The following TANC1 variants were observed in gnomAD, a reference collection of about 807,000 sequenced individuals.
TANC1 encodes protein TANC1.
In TANC1, 77 loss-of-function variants were observed where a neutral mutation model predicts 149.7. The ratio of observed to expected loss-of-function variants is 0.51; its 90% CI spans 0.43 to 0.62. The LOEUF (loss-of-function observed/expected upper bound fraction) is 0.62, where lower values mean the gene tolerates loss of function less well. TANC1 is among the 20% of genes least tolerant of loss of function. TANC1 has a pLI of 0.00. For missense variants in TANC1, 1,985 were observed against 2,321.8 expected, an observed-to-expected ratio of 0.85 and a Z score of 2.98; for synonymous variants, 854 against 925.0, an observed-to-expected ratio of 0.92 and a Z score of 1.39.
rs141969105 is a variant in TANC1 at position 159,194,497 on chromosome 2, A to G, written c.2979+4A>G. 1 of 1,610,546 alleles carries G rather than the reference A, an allele frequency of 6.2e-7. No homozygotes were observed. Among genetic ancestry groups the G allele is most frequent in the East Asian group, 2.2e-5 (1 of 44,858 alleles). ...GCTGACCAAGAAGGGAGTGAGAGTAAGCGGCAGCCTGCTCTTTTGGGGCTG... is the reference window on the plus strand; with the variant it reads ...GCTGACCAAGAAGGGAGTGAGAGTAGGCGGCAGCCTGCTCTTTTGGGGCTG... On this transcript the variant is annotated splice_donor_region_variant and intron_variant, in intron 17 of 26. Transcript: ENST00000263635.
chr2:158,981,535 AT>A (rs2034377654), intron 1 of TANC1, among the ~76,000 whole-genome samples: 2 of 111,254 alleles, frequency 1.8e-5, no homozygotes, highest in South Asian at 5.7e-4. Flanking sequence ...ATATATATAT[AT>A]ATATATAAAG....
intron 23 of TANC1, 164 bp from the exon 24 acceptor site, chr2:159,225,520 AAAGG>A (rs1487053215): frequency 3.2e-6 from 2 of 622,648 alleles, no homozygotes; most frequent in East Asian, 5.5e-5. Context: ...GGTCAGTGGG[AAAGG>A]ATTAGCAACA....
At chr2:159,169,395 C>T (rs755392168) in intron 9 of TANC1, 23 bp downstream of exon 9, 53 of 1,610,756 alleles carry the variant, frequency 3.3e-5, no homozygotes, top group South Asian at 5.5e-5. Context: ...GCATCAGCTG[C>T]GATAATGGTT....
At chr2:159,180,974 G>A (rs1391346023) in intron 14 of TANC1, among the ~76,000 whole-genome samples, 1 of 152,114 alleles carries the variant, frequency 6.6e-6, no homozygotes, top group African/African-American at 2.4e-5. Context: ...ACATGGTGAT[G>A]GTGGGTTGGG....
rs1415478495 is a variant in TANC1 at position 159,016,795 on chromosome 2, C to G, written c.-16+15606C>G. ...TTCACTGTGTTAGCCAGGATGGTCT[C>G]GATCTCCTGACCTTGTGATCTGCCC... is the stretch of plus-strand genomic sequence containing the variant. On this transcript the variant is annotated intron_variant, in intron 2 of 26. Transcript: ENST00000263635. Among the ~76,000 whole-genome samples the G allele has an allele frequency of 2.0e-5, 3 of 152,128 alleles. 1 individual carries two copies. The Middle Eastern group carries it at 0.01, about 517-fold the overall frequency.
At chr2:159,018,608 C>G (rs1167819573) in intron 2 of TANC1, among the ~76,000 whole-genome samples, 1 of 152,174 alleles carries the variant, frequency 6.6e-6, no homozygotes, top group East Asian at 1.9e-4. Context: ...TTTTTTATCA[C>G]CCCAAAGAGA....
intron 8 of TANC1, among the ~76,000 whole-genome samples, chr2:159,165,229 G>A (rs938214204): frequency 3.3e-5 from 5 of 152,220 alleles, no homozygotes; most frequent in African/African-American, 1.2e-4. Flanking sequence ...AAGTGACAGT[G>A]GGTGTGAGCT....
rs1559491915 is a variant in TANC1, at chr2:159,224,668, C to T, written c.3811+304C>T. 3 of 313,448 alleles carry T rather than the reference C, an allele frequency of 9.6e-6. No individual in the cohort carries two copies. The East Asian group carries it at 1.7e-4, about 18-fold the overall frequency. The allele number at this position is 313,448 out of a possible 1,614,324, so 19.4% of individuals were successfully genotyped here. A position where few individuals can be genotyped will look rare whatever the true frequency, so the allele number is the denominator to read the frequency against. On this transcript the variant is annotated intron_variant, in intron 23 of 26. Transcript: ENST00000263635. ...TGCTGTGGGGTGGGGCCGGGTAGTG[C>T]TGCTGAAAGCTCCCCCAGGTGACTC...
intron 3 of TANC1, among the ~76,000 whole-genome samples, chr2:159,092,363 T>C (rs1574604081): frequency 6.6e-6 from 1 of 152,360 alleles, no homozygotes; most frequent in Middle Eastern, 3.4e-3. Flanking sequence ...CTATGTACTT[T>C]AATCTGTGAT....
intron 1 of TANC1, among the ~76,000 whole-genome samples, chr2:158,979,325 C>A (rs905446175): frequency 4.6e-5 from 7 of 151,904 alleles, no homozygotes; most frequent in East Asian, 1.9e-4. Flanking sequence ...TCTGTCTCTA[C>A]AAAATTTTTT....
At chr2:159,062,382 CT>C (rs1242199268) in intron 2 of TANC1, among the ~76,000 whole-genome samples, 3 of 152,194 alleles carry the variant, frequency 2.0e-5, no homozygotes, top group South Asian at 2.1e-4. Flanking sequence ...ATTTAATCTG[CT>C]GAGTCTGAAT....
At chr2:159,083,569 T>G (rs1402895354) in intron 3 of TANC1, among the ~76,000 whole-genome samples, 3 of 152,232 alleles carry the variant, frequency 2.0e-5, no homozygotes, top group African/African-American at 4.8e-5. Context: ...GTTGATTTCC[T>G]TGTCAACATT....
intron 7 of TANC1, among the ~76,000 whole-genome samples, chr2:159,156,026 A>T (rs1419206300): frequency 1.3e-5 from 2 of 152,114 alleles, no homozygotes. Context: ...GCCCCAAGGG[A>T]GATAATCAGA....
At chr2:159,042,908 A>G (rs543041431) in intron 2 of TANC1, among the ~76,000 whole-genome samples, 3 of 152,278 alleles carry the variant, frequency 2.0e-5, no homozygotes, top group East Asian at 1.9e-4. Flanking sequence ...GGTTCTTGGC[A>G]TGTTATCTTA....
intron 3 of TANC1, among the ~76,000 whole-genome samples, chr2:159,068,377 A>T (rs978051105): frequency 3.3e-5 from 5 of 152,258 alleles, no homozygotes; most frequent in African/African-American, 9.6e-5. Flanking sequence ...TTGCAAAGAC[A>T]TAAGAAAATT....
chr2:159,027,991 C>G (rs1371000774), intron 2 of TANC1, among the ~76,000 whole-genome samples: 1 of 152,074 alleles, frequency 6.6e-6, no homozygotes, highest in Non-Finnish European at 1.5e-5. Flanking sequence ...TCATGGGAGC[C>G]CCATCCCGAT....
Position 159,185,847 on chromosome 2 carries a change from G to T in TANC1, c.2567G>T (p.Arg856Leu), listed in dbSNP as rs778179572. The change falls in exon 15 of 27, where the codon CGC becomes CTC. Residue 856 changes from arginine (R) to leucine (L), a missense_variant. Around this residue, in one of 3 missense-constraint regions of TANC1, gnomAD observed 508 missense variants for 714.2 expected, o/e 0.71. Transcript: ENST00000263635. ...TCGCGTCAGGAGGGCAAGTTGAACC[G>T]CCAGCAGACCATGGAGCTTGGCCAC... ...MFSRQEGKLN[R>L]QQTMELGHHI... 2 of 1,614,132 alleles carry T rather than the reference G, an allele frequency of 1.2e-6. No individual in the cohort carries two copies. Among genetic ancestry groups the T allele is most frequent in the Non-Finnish European group, 1.7e-6 (2 of 1,180,000 alleles).
At chr2:159,172,366 G>A in intron 11 of TANC1, 94 bp downstream of exon 11, 1 of 1,127,392 alleles carries the variant, frequency 8.9e-7, no homozygotes, top group Non-Finnish European at 1.3e-6. Flanking sequence ...TTAAAACAGA[G>A]ACAACTGCTT....
At chr2:159,029,194 CG>C (rs1197818468) in intron 2 of TANC1, among the ~76,000 whole-genome samples, 1 of 152,034 alleles carries the variant, frequency 6.6e-6, no homozygotes, top group Non-Finnish European at 1.5e-5. Context: ...TTTTTTATGG[CG>C]GAATGATCCA....
Sources: allele counts gnomAD v4.1 joint callset (sites outside exome capture counted in the v4.1 genomes callset), GRCh38; gene constraint gnomAD v4.1.1; regional missense constraint gnomAD v4.1.1; transcripts MANE v1.5; gene names NCBI Gene and HGNC (gene_info 2026-07-23, HGNC 2026-07-21).